FLRT2: variants seen among roughly 807,000 people sequenced by gnomAD.
The protein encoded by FLRT2 is fibronectin leucine rich transmembrane protein 2.
FLRT2 carries 15 observed loss-of-function variants against 40.0 expected under a neutral mutation model. The observed-to-expected ratio is 0.38, with a 90% confidence interval of 0.25 to 0.58. The LOEUF (loss-of-function observed/expected upper bound fraction) is 0.58. FLRT2 is among the 20% of genes least tolerant of loss of function. FLRT2 has a pLI of 0.71. For missense variants in FLRT2, 726 were observed against 840.0 expected, an observed-to-expected ratio of 0.86 and a Z score of 1.68; for synonymous variants, 380 against 336.8, an observed-to-expected ratio of 1.13 and a Z score of -1.41.
rs903931152 is a variant in FLRT2, at chr14:85,627,571, T to G, written c.*4074T>G. The G allele has an allele frequency of 6.5e-5, 10 of 153,374 alleles. No homozygotes were observed. The highest frequency in any genetic ancestry group is 2.5e-4 in the African/African-American group (9 of 36,432). 9.5% of individuals were successfully genotyped at this position (153,374 alleles called of 1,614,324 possible). A position where few individuals can be genotyped will look rare whatever the true frequency, so the allele number is the denominator to read the frequency against. ...TAAAAATTATTATCAAACATGCACATGCTTGTACACACACACACACACACA... is the reference window on the plus strand; with the variant it reads ...TAAAAATTATTATCAAACATGCACAGGCTTGTACACACACACACACACACA... On this transcript the variant is annotated 3_prime_UTR_variant, in exon 2 of 2. Coordinates refer to ENST00000330753, the MANE Select transcript of FLRT2 (RefSeq NM_013231.6).
rs752639321 is a variant in FLRT2, at chr14:85,621,808, C to T, written c.294C>T (p.Asn98=). ...QSVHTVYLYG[N]QLDEFPMNLP... Reference sequence around the variant, plus strand: ...TGCACACGGTCTACCTGTATGGCAACCAACTGGACGAATTCCCCATGAACC... The same window carrying T: ...TGCACACGGTCTACCTGTATGGCAATCAACTGGACGAATTCCCCATGAACC... Residue 98 remains asparagine (N), a synonymous_variant, in exon 2 of 2, where the codon AAC becomes AAT. Transcript: ENST00000330753. The T allele has an allele frequency of 6.2e-7, 1 of 1,614,170 alleles. No individual in the cohort carries two copies. The highest frequency in any genetic ancestry group is 1.1e-5 in the South Asian group (1 of 91,078).
chr14:85,588,121 C>A (rs909877552), intron 1 of FLRT2, among the ~76,000 whole-genome samples: 1 of 152,038 alleles, frequency 6.6e-6, no homozygotes, highest in Admixed American at 6.6e-5. Context: ...TATTGCAGAA[C>A]GAAACAAGTG....
intron 1 of FLRT2, among the ~76,000 whole-genome samples, chr14:85,558,297 T>G (rs1890100234): frequency 6.6e-6 from 1 of 152,304 alleles, no homozygotes; most frequent in Non-Finnish European, 1.5e-5. Context: ...AATTTTTTTT[T>G]TAATCCTTCA....
intron 1 of FLRT2, among the ~76,000 whole-genome samples, chr14:85,575,830 A>T (rs974230116): frequency 6.6e-6 from 1 of 152,156 alleles, no homozygotes; most frequent in African/African-American, 2.4e-5. Flanking sequence ...CTGTGTGTCA[A>T]ATATTCATCT....
At chr14:85,535,612 G>T (rs1389972581) in intron 1 of FLRT2, among the ~76,000 whole-genome samples, 1 of 152,112 alleles carries the variant, frequency 6.6e-6, no homozygotes, top group African/African-American at 2.4e-5. Context: ...TCTCCACAGC[G>T]TTATTGCGTC....
At chr14:85,593,267 T>A (rs1891984298) in intron 1 of FLRT2, among the ~76,000 whole-genome samples, 1 of 152,220 alleles carries the variant, frequency 6.6e-6, no homozygotes, top group Non-Finnish European at 1.5e-5. Flanking sequence ...ATTTTAGGCT[T>A]TTCCTAAAAT....
intron 1 of FLRT2, among the ~76,000 whole-genome samples, chr14:85,614,481 C>T (rs1893034304): frequency 6.6e-6 from 1 of 152,138 alleles, no homozygotes; most frequent in South Asian, 2.1e-4. Flanking sequence ...TGACTCCAAA[C>T]CCTCAACTAT....
rs74068815 is a variant in FLRT2 at position 85,533,406 on chromosome 14, G to A, written c.-377+2872G>A. Among the ~76,000 whole-genome samples, 1,018 of 152,072 alleles carry A rather than the reference G, an allele frequency of 6.7e-3. 9 individuals carry two copies. The highest frequency in any genetic ancestry group is 0.023 in the African/African-American group (967 of 41,546). ...GCCGGGCGGGCGCAGCACTTGGAGC[G>A]AGCCCTGCGCCCGCCCCCGCGCAGC... is the stretch of plus-strand genomic sequence containing the variant. On this transcript the variant is annotated intron_variant, in intron 1 of 1. Transcript: ENST00000330753.
chr14:85,616,613 T>C (rs1234747196), intron 1 of FLRT2, among the ~76,000 whole-genome samples: 3 of 152,222 alleles, frequency 2.0e-5, no homozygotes, highest in African/African-American at 7.2e-5. Flanking sequence ...CTTCCCTGGC[T>C]TGGGCCTCTC....
chr14:85,587,303 AAAG>A (rs71120523), intron 1 of FLRT2, among the ~76,000 whole-genome samples: 3 of 147,580 alleles, frequency 2.0e-5, no homozygotes, highest in Non-Finnish European at 3.0e-5. Flanking sequence ...AAAAAAAAAA[AAAG>A]AAGAAAGCAG....
At chr14:85,604,465 A>C (rs1014447787) in intron 1 of FLRT2, among the ~76,000 whole-genome samples, 2 of 152,194 alleles carry the variant, frequency 1.3e-5, no homozygotes, top group African/African-American at 2.4e-5. Flanking sequence ...CATCTAGCCC[A>C]AGTCTTTGAA....
At chr14:85,594,902 A>G (rs757331054) in intron 1 of FLRT2, among the ~76,000 whole-genome samples, 11 of 152,212 alleles carry the variant, frequency 7.2e-5, no homozygotes, top group Admixed American at 1.3e-4. Flanking sequence ...TGTATTATTG[A>G]CAGTATTCTT....
chr14:85,638,449 A>G lies in FLRT2; in HGVS notation c.*14952A>G, dbSNP rs1484965774. ...AGGCTCAGTTTAGGCTTCCCTTGAG[A>G]TTTCATCATGGCTTTACTTCTCCCT... On this transcript the variant is annotated 3_prime_UTR_variant, in exon 2 of 2. Transcript: ENST00000330753. 6.6e-6 allele frequency: 1 copy of G among 152,242 alleles called. No individual in the cohort carries two copies. Among genetic ancestry groups the G allele is most frequent in the African/African-American group, 2.4e-5 (1 of 41,368 alleles). The allele number at this position is 152,242 out of a possible 1,614,324, so 9.4% of individuals were successfully genotyped here.
At chr14:85,565,689 C>T (rs909148231) in intron 1 of FLRT2, among the ~76,000 whole-genome samples, 14 of 151,970 alleles carry the variant, frequency 9.2e-5, no homozygotes, top group African/African-American at 2.7e-4. Context: ...GTTGGCATTT[C>T]GAGTTGTCAT....
At chr14:85,597,704 A>G (rs12590181) in intron 1 of FLRT2, among the ~76,000 whole-genome samples, 78,860 of 152,064 alleles carry the variant, frequency 0.52, 21,210 homozygotes, top group East Asian at 0.83. Context: ...TTACAGGCAT[A>G]TGCCACCTTG....
At position 85,594,645 on chromosome 14, in the gene FLRT2, A is replaced by G. The variant is rs539566455; in HGVS notation, c.-376-26494A>G. Among the ~76,000 whole-genome samples, 157 of 152,270 alleles carry G rather than the reference A, an allele frequency of 1.0e-3. 1 individual carries two copies. The highest frequency in any genetic ancestry group is 3.7e-3 in the African/African-American group (152 of 41,550). On this transcript the variant is annotated intron_variant, in intron 1 of 1. Transcript: ENST00000330753. ...TCACTCATTTGCAGTTGAGAAACAC[A>G]TGTTTTGGTACTTTTGAATCTAAAC...
At chr14:85,576,957 C>T (rs1026944059) in intron 1 of FLRT2, among the ~76,000 whole-genome samples, 15 of 152,312 alleles carry the variant, frequency 9.8e-5, no homozygotes, top group African/African-American at 3.6e-4. Flanking sequence ...CAGCTCTGCC[C>T]ATGTGTGCTC....
intron 1 of FLRT2, among the ~76,000 whole-genome samples, chr14:85,533,387 C>G (rs1414568442): frequency 6.6e-6 from 1 of 151,970 alleles, no homozygotes; most frequent in East Asian, 2.0e-4. Flanking sequence ...CCACGCCGGG[C>G]GGGCGCAGCA....
In FLRT2 at chr14:85,622,429, C is replaced by T. The variant is rs768120893; in HGVS notation, c.915C>T (p.Leu305=). 1.2e-6 allele frequency: 2 copies of T among 1,614,126 alleles called. No individual in the cohort carries two copies. Among genetic ancestry groups the T allele is most frequent in the Non-Finnish European group, 1.7e-6 (2 of 1,180,016 alleles). Residue 305 remains leucine, a synonymous_variant, in exon 2 of 2, where the codon CTC becomes CTT. Transcript: ENST00000330753. ...VFDNLSNLKQ[L]TARNNPWFCD... ...ATAATCTCTCCAACCTGAAGCAGCT[C>T]ACTGCTCGGAATAACCCTTGGTTTT... is the stretch of plus-strand genomic sequence containing the variant.
Sources: allele counts gnomAD v4.1 joint callset (sites outside exome capture counted in the v4.1 genomes callset), GRCh38; gene constraint gnomAD v4.1.1; transcripts MANE v1.5; gene names NCBI Gene and HGNC (gene_info 2026-07-23, HGNC 2026-07-21).